The following ANXA8 variants were observed in gnomAD, a reference collection of about 807,000 sequenced individuals.
ANXA8 encodes the protein VAC-beta.
A neutral mutation model predicts 26.8 loss-of-function variants in ANXA8; 9 were observed. That is an observed-to-expected ratio of 0.34 (90% CI 0.20 to 0.59). The LOEUF (loss-of-function observed/expected upper bound fraction) is 0.59, where lower values mean the gene tolerates loss of function less well. Ranked by LOEUF, ANXA8 falls within the 20% of genes least tolerant of loss-of-function variation. The probability of loss-of-function intolerance (pLI) is 0.84; values close to 1 mark genes in which losing one functional copy is unlikely to be tolerated. For synonymous variants in ANXA8, 39 were observed against 94.8 expected, an observed-to-expected ratio of 0.41 and a Z score of 3.42; for missense variants, 83 against 238.5, an observed-to-expected ratio of 0.35 and a Z score of 4.29.
the ANXA8 span, among the ~76,000 whole-genome samples, chr10:47,535,098 C>A: frequency 8.1e-6 from 1 of 122,832 alleles, no homozygotes; most frequent in African/African-American, 3.8e-5. Flanking sequence ...ACTCAGTCTC[C>A]CGGGTAGCTA....
chr10:47,950,850 AT>A, the ANXA8 span, among the ~76,000 whole-genome samples: 11 of 150,990 alleles, frequency 7.3e-5, no homozygotes, highest in African/African-American at 2.4e-4. Context: ...ACTTTAAATG[AT>A]TTTTATTAGA....
At chr10:47,683,828 T>C in the ANXA8 span, among the ~76,000 whole-genome samples, 16 of 151,084 alleles carry the variant, frequency 1.1e-4, no homozygotes, top group Non-Finnish European at 1.8e-4. Context: ...TTTTGGTGTT[T>C]TTGGTAAAAT....
the ANXA8 span, among the ~76,000 whole-genome samples, chr10:47,627,560 T>C: frequency 6.7e-6 from 1 of 149,908 alleles, no homozygotes; most frequent in African/African-American, 2.5e-5. Context: ...CTGGCATTTA[T>C]TGGCACTTGG....
chr10:47,558,510 A>G, the ANXA8 span, among the ~76,000 whole-genome samples: 1 of 149,650 alleles, frequency 6.7e-6, no homozygotes, highest in Non-Finnish European at 1.5e-5. Flanking sequence ...GCATCAATGG[A>G]GTCTAACAGG....
chr10:47,777,647 C>T, the ANXA8 span, among the ~76,000 whole-genome samples: 2 of 152,238 alleles, frequency 1.3e-5, no homozygotes, highest in Non-Finnish European at 2.9e-5. Context: ...GAGCAGAGTC[C>T]TTGGATGACA....
chr10:47,671,926 A>G, the ANXA8 span, among the ~76,000 whole-genome samples: 3 of 151,512 alleles, frequency 2.0e-5, no homozygotes, highest in African/African-American at 7.3e-5. Context: ...TTAAAAGACC[A>G]GTTAGTTTGT....
At chr10:47,969,929 T>G in the ANXA8 span, 1 of 151,390 alleles carries the variant, frequency 6.6e-6, no homozygotes, top group Non-Finnish European at 1.5e-5. Flanking sequence ...CATCCATTAG[T>G]AAGCCATCTT....
the ANXA8 span, among the ~76,000 whole-genome samples, chr10:47,495,476 A>T: frequency 6.8e-6 from 1 of 148,074 alleles, no homozygotes; most frequent in Non-Finnish European, 1.5e-5. Context: ...GGTACAGATG[A>T]GGTTTCACCA....
chr10:47,980,331 C>T, the ANXA8 span, among the ~76,000 whole-genome samples: 1 of 151,484 alleles, frequency 6.6e-6, no homozygotes, highest in African/African-American at 2.4e-5. Context: ...GAAGAAAGAT[C>T]TCGATAACCC....
upstream of ANXA8, among the ~76,000 whole-genome samples, chr10:47,487,943 C>A (rs1334414116): frequency 6.6e-6 from 1 of 150,884 alleles, no homozygotes; most frequent in East Asian, 2.0e-4. Flanking sequence ...ATGTCTTCCC[C>A]CTCAAAACTC....
the ANXA8 span, among the ~76,000 whole-genome samples, chr10:47,720,629 C>T: frequency 3.5e-5 from 5 of 142,282 alleles, 1 homozygote; most frequent in African/African-American, 1.3e-4. Context: ...TACAAAATAG[C>T]ACTCAGTGTT....
At chr10:47,502,245 G>T in the ANXA8 span, 1 of 1,592,272 alleles carries the variant, frequency 6.3e-7, no homozygotes, top group Admixed American at 1.7e-5. Flanking sequence ...AGGCCAGATG[G>T]AGTGCCGTGC....
At chr10:47,493,381 C>G in the ANXA8 span, among the ~76,000 whole-genome samples, 1,216 of 148,380 alleles carry the variant, frequency 8.2e-3, 11 homozygotes, top group African/African-American at 0.029. Flanking sequence ...TGGGGTGACA[C>G]CTGGGACATG....
the ANXA8 span, among the ~76,000 whole-genome samples, chr10:47,697,547 TAAAG>T: frequency 2.7e-5 from 4 of 146,822 alleles, no homozygotes; most frequent in South Asian, 2.2e-4. Flanking sequence ...TTTGAATTCT[TAAAG>T]AAAGGCAGAG....
the ANXA8 span, among the ~76,000 whole-genome samples, chr10:47,680,762 G>T: frequency 6.6e-6 from 1 of 151,604 alleles, no homozygotes; most frequent in Non-Finnish European, 1.5e-5. Flanking sequence ...TAAAAGGAGA[G>T]AAGTCTTCTT....
At chr10:47,939,829 G>A in the ANXA8 span, among the ~76,000 whole-genome samples, 15 of 139,656 alleles carry the variant, frequency 1.1e-4, no homozygotes, top group East Asian at 7.4e-4. Context: ...TCTGGACAAC[G>A]TCTCACATCT....
the ANXA8 span, among the ~76,000 whole-genome samples, chr10:47,497,245 G>A: frequency 2.2e-5 from 3 of 138,782 alleles, no homozygotes; most frequent in Non-Finnish European, 3.1e-5. Flanking sequence ...GCTTGAACCC[G>A]GGAGGAGAGG....
chr10:47,908,962 C>A, the ANXA8 span, among the ~76,000 whole-genome samples: 1 of 62,940 alleles, frequency 1.6e-5, no homozygotes, highest in South Asian at 6.5e-4. Flanking sequence ...TTATAAGCTG[C>A]TATTATACCT....
chr10:47,555,115 C>A, the ANXA8 span, among the ~76,000 whole-genome samples: 1 of 151,254 alleles, frequency 6.6e-6, no homozygotes, highest in African/African-American at 2.4e-5. Context: ...TTCTCCTATG[C>A]TCCCTCGCCT....
Sources: gnomAD v4.1 joint callset for allele counts (sites outside exome capture counted in the v4.1 genomes callset) on GRCh38, gnomAD v4.1.1 for gene constraint, MANE v1.5 for transcripts, NCBI Gene and HGNC (gene_info 2026-07-23, HGNC 2026-07-21) for gene names.